The following FUBP1 variants were observed in gnomAD, a reference collection of about 807,000 sequenced individuals.
FUBP1 encodes the protein far upstream element binding protein 1.
A neutral mutation model predicts 94.9 loss-of-function variants in FUBP1; 16 were observed. That is an observed-to-expected ratio of 0.17 (90% confidence interval 0.11 to 0.26). The LOEUF (loss-of-function observed/expected upper bound fraction) is 0.26. Among genes scored for constraint, FUBP1 ranks in the 10% least tolerant of loss-of-function variants. The pLI, the probability that FUBP1 is intolerant of heterozygous loss-of-function variation, is 1.00. For synonymous variants in FUBP1, 279 were observed against 254.9 expected (o/e 1.09, Z -0.90); for missense variants, 583 against 808.6 (o/e 0.72, Z 3.38).
At position 77,963,919 on chromosome 1, in the gene FUBP1, A is replaced by G. The variant is rs1226617681; in HGVS notation, c.1041+143T>C. On this transcript the variant is annotated intron_variant, in intron 12 of 19. Transcript: ENST00000370768. ...AGGTAGTAGTTCTTCCTGCTCCAAG[A>G]TCTTTACCTTAAAGCAATTTAAACT... 4 of 688,994 alleles carry G rather than the reference A, an allele frequency of 5.8e-6. No individual in the cohort carries two copies. In the Admixed American group the frequency reaches 1.1e-4, roughly 18 times the overall value. The allele number at this position is 688,994 out of a possible 1,614,324, so 42.7% of individuals were successfully genotyped here. A position where few individuals can be genotyped will look rare whatever the true frequency, so the allele number is the denominator to read the frequency against.
chr1:77,970,124 A>G (rs185887198), intron 1 of FUBP1, 109 bp from the exon 2 acceptor site: 3 of 480,852 alleles, frequency 6.2e-6, no homozygotes, highest in South Asian at 5.4e-5. Context: ...TTAGTATCAC[A>G]TAAGAAAATT....
At chr1:77,967,746 A>T in intron 3 of FUBP1, 80 bp from the exon 4 acceptor site, 1 of 847,942 alleles carries the variant, frequency 1.2e-6, no homozygotes, top group East Asian at 2.7e-5. Context: ...AATCACATCA[A>T]ACATTCAAAA....
chr1:77,975,744 G>A (rs112831058), intron 1 of FUBP1, among the ~76,000 whole-genome samples: 3,696 of 152,258 alleles, frequency 0.024, 50 homozygotes, highest in Middle Eastern at 0.065. Context: ...TGGAGTTACA[G>A]CTTGATATAC....
rs1652653608 is a variant in FUBP1 at position 77,948,539 on chromosome 1, C to T, written c.*227G>A. 4 of 1,300,316 alleles carry T rather than the reference C, an allele frequency of 3.1e-6. No homozygotes were observed. In the South Asian group the frequency reaches 6.7e-5, roughly 22 times the overall value. 80.5% of individuals were successfully genotyped at this position (1,300,316 alleles called of 1,614,324 possible). On this transcript the variant is annotated 3_prime_UTR_variant, in exon 20 of 20. Transcript: ENST00000370768. ...ACATTTGCTGGAATGTGTACATCTACACTAAATACTAAAAACAAACCAATT... is the reference window on the plus strand; with the variant it reads ...ACATTTGCTGGAATGTGTACATCTATACTAAATACTAAAAACAAACCAATT...
chr1:77,960,786 C>T (rs1485698550), intron 14 of FUBP1: 2 of 284,182 alleles, frequency 7.0e-6, no homozygotes, highest in South Asian at 4.7e-5. Flanking sequence ...CAGTAGTTCC[C>T]TTTCCTTTTA....
At chr1:77,970,164 T>A (rs879422187) in intron 1 of FUBP1, 149 bp from the exon 2 acceptor site, 11 of 448,006 alleles carry the variant, frequency 2.5e-5, no homozygotes, top group Non-Finnish European at 4.0e-5. Context: ...ATAGTTCAAT[T>A]TATTGCTACC....
In FUBP1 at chr1:77,969,937, AAGGT is replaced by A; in HGVS notation, c.195_198del (p.Arg65SerfsTer2). 6.6e-7 allele frequency: 1 copy of A among 1,517,260 alleles called. No homozygotes were observed. Among genetic ancestry groups the A allele is most frequent in the Non-Finnish European group, 9.1e-7 (1 of 1,096,900 alleles). The allele number at this position is 1,517,260 out of a possible 1,614,324, so 94.0% of individuals were successfully genotyped here. A position where few individuals can be genotyped will look rare whatever the true frequency, so the allele number is the denominator to read the frequency against. On this transcript the variant is annotated frameshift_variant, in exon 2 of 20. Coordinates refer to ENST00000370768, the MANE Select transcript of FUBP1 (RefSeq NM_003902.5). LOFTEE classifies it high-confidence loss of function. ...GAGTATAACTTACCTCCATCTTCTA[AAGGT>A]CTTTTTTGTCCCCCATAACCATAGT...
At chr1:77,958,382 T>C (rs1654856840) in intron 16 of FUBP1, among the ~76,000 whole-genome samples, 1 of 152,240 alleles carries the variant, frequency 6.6e-6, no homozygotes, top group African/African-American at 2.4e-5. Context: ...GGACTAGGAC[T>C]GATATAGGTT....
intron 1 of FUBP1, 90 bp downstream of exon 1, chr1:77,978,795 T>A: frequency 2.0e-6 from 3 of 1,482,446 alleles, no homozygotes; most frequent in Non-Finnish European, 2.8e-6. Flanking sequence ...ACCTCTTTCC[T>A]CTTCCTCATG....
chr1:77,954,689 G>A (rs1439988602), intron 18 of FUBP1, among the ~76,000 whole-genome samples: 1 of 152,144 alleles, frequency 6.6e-6, no homozygotes, highest in Non-Finnish European at 1.5e-5. Flanking sequence ...TTTCATTTGT[G>A]ACATCTAGCT....
At position 77,965,639 on chromosome 1, in the gene FUBP1, C is replaced by G. The variant is rs534411232; in HGVS notation, c.474-408G>C. 2.0e-5 allele frequency among the ~76,000 whole-genome samples: 3 copies of G among 152,260 alleles called. No homozygotes were observed. The South Asian group carries it at 6.2e-4, about 32-fold the overall frequency. ...ATATCAACTATGTGCAGGTGCTATT[C>G]TAGGTAATGGGGTAATAGCACTCAA... On this transcript the variant is annotated intron_variant, in intron 7 of 19. Transcript: ENST00000370768.
intron 13 of FUBP1, 129 bp from the exon 14 acceptor site, chr1:77,963,059 G>A: frequency 1.8e-6 from 1 of 542,822 alleles, no homozygotes; most frequent in Non-Finnish European, 3.2e-6. Flanking sequence ...TGACAATATT[G>A]TATTAAGATT....
chr1:77,962,751 A>T lies in FUBP1; in HGVS notation c.1344+19T>A, dbSNP rs777310097. ...TCTAAGGGTCTACACTAAAAATTAA[A>T]AGTTTAAAGTATACTCACACCAATC... On this transcript the variant is annotated intron_variant, in intron 14 of 19. Transcript: ENST00000370768. 2.5e-6 allele frequency: 4 copies of T among 1,577,176 alleles called. No homozygotes were observed. The highest frequency in any genetic ancestry group is 3.5e-6 in the Non-Finnish European group (4 of 1,152,572).
intron 16 of FUBP1, among the ~76,000 whole-genome samples, chr1:77,958,553 T>C (rs1235975143): frequency 6.6e-6 from 1 of 152,232 alleles, no homozygotes; most frequent in African/African-American, 2.4e-5. Context: ...AACCCTTTGA[T>C]AAATCTGAGT....
rs1469966235 is a variant in FUBP1 at position 77,946,078 on chromosome 1, A to T, written c.*2688T>A. ...CTTACTGAATTATTATAGTTTAAGA[A>T]TAAGAAAAAAATAAAGAAATTATAA... On this transcript the variant is annotated 3_prime_UTR_variant, in exon 20 of 20. Coordinates refer to ENST00000370768, the MANE Select transcript of FUBP1 (RefSeq NM_003902.5). Among the ~76,000 whole-genome samples the T allele has an allele frequency of 6.6e-6, 1 of 152,012 alleles. No individual in the cohort carries two copies. Among genetic ancestry groups the T allele is most frequent in the African/African-American group, 2.4e-5 (1 of 41,448 alleles).
rs2102564212 is a variant in FUBP1, at chr1:77,978,967, C to T, written c.38G>A (p.Gly13Asp). 1 of 1,613,782 alleles carries T rather than the reference C, an allele frequency of 6.2e-7. No individual in the cohort carries two copies. Residue 13 changes from glycine to aspartate, a missense_variant, in exon 1 of 20, where the codon GGC becomes GAC. Coordinates refer to ENST00000370768, the MANE Select transcript of FUBP1 (RefSeq NM_003902.5). ...GCCGCCACCACCGCCACCAGCTGAG[C>T]CAGAAGAGGGGGGAGGCACTGTTGA... is the stretch of plus-strand genomic sequence containing the variant. ...DYSTVPPPSS[G>D]SAGGGGGGGG...
chr1:77,969,881 A>C, intron 2 of FUBP1, 44 bp downstream of exon 2: 1 of 846,786 alleles, frequency 1.2e-6, no homozygotes, highest in South Asian at 1.7e-5. Flanking sequence ...CACTTCAACT[A>C]AACACTCTGA....
intron 2 of FUBP1, among the ~76,000 whole-genome samples, chr1:77,969,360 C>T (rs1434827810): frequency 1.3e-5 from 2 of 151,828 alleles, no homozygotes; most frequent in African/African-American, 2.4e-5. Flanking sequence ...TCAACGATTA[C>T]GATTTTTAAA....
At chr1:77,951,552 ATTTTG>A (rs1571227737) in intron 18 of FUBP1, among the ~76,000 whole-genome samples, 1 of 151,970 alleles carries the variant, frequency 6.6e-6, no homozygotes, top group African/African-American at 2.4e-5. Flanking sequence ...TAGTTACTGG[ATTTTG>A]TTTTGAGACA....
Sources: gnomAD v4.1 joint callset for allele counts (sites outside exome capture counted in the v4.1 genomes callset) on GRCh38, gnomAD v4.1.1 for gene constraint, MANE v1.5 for transcripts, NCBI Gene and HGNC (gene_info 2026-07-23, HGNC 2026-07-21) for gene names.